Variants in FAM124A observed in about 807,000 individuals in gnomAD.
FAM124A encodes the protein protein FAM124A.
FAM124A carries 23 observed loss-of-function variants against 24.5 expected under a neutral mutation model. The ratio of observed to expected loss-of-function variants is 0.94; its 90% CI spans 0.68 to 1.33. FAM124A has a LOEUF of 1.33. Ranked by LOEUF, FAM124A falls within the 40% of genes most tolerant of loss-of-function variation. The pLI, the probability that FAM124A is intolerant of heterozygous loss-of-function variation, is 0.00. For missense variants in FAM124A, 623 were observed against 722.8 expected (o/e 0.86, Z 1.58); for synonymous variants, 287 against 314.7 (o/e 0.91, Z 0.93).
Position 51,247,865 on chromosome 13 carries a change from G to A in FAM124A, c.101-3603G>A, listed in dbSNP as rs150373792. Among the ~76,000 whole-genome samples, 472 of 152,196 alleles carry A rather than the reference G, an allele frequency of 3.1e-3. 2 individuals carry two copies. Among genetic ancestry groups the A allele is most frequent in the African/African-American group, 0.011 (451 of 41,526 alleles). On this transcript the variant is annotated intron_variant, in intron 2 of 3. Transcript: ENST00000322475. ...TTCATCGCAGCTTTACTACTTTTGC[G>A]TCAACTGTACTTCTGCCGATCGTGT...
intron 3 of FAM124A, among the ~76,000 whole-genome samples, chr13:51,279,854 T>C (rs764960508): frequency 2.6e-5 from 4 of 152,204 alleles, no homozygotes; most frequent in South Asian, 4.1e-4. Flanking sequence ...CTAACCCCGA[T>C]AGCCCCTCAC....
At chr13:51,245,440 C>A in intron 2 of FAM124A, 1 of 613,814 alleles carries the variant, frequency 1.6e-6, no homozygotes, top group South Asian at 2.0e-5. Flanking sequence ...TCTATTGGCG[C>A]AGCTTCCGGC....
chr13:51,254,885 C>T (rs544650597), intron 3 of FAM124A, among the ~76,000 whole-genome samples: 2 of 152,216 alleles, frequency 1.3e-5, no homozygotes, highest in Admixed American at 6.5e-5. Context: ...AAAAAGTTCA[C>T]ATTGTAAATA....
intron 1 of FAM124A, among the ~76,000 whole-genome samples, chr13:51,230,594 G>C (rs1444961866): frequency 2.0e-5 from 3 of 152,196 alleles, no homozygotes; most frequent in African/African-American, 7.2e-5. Flanking sequence ...TGCCAGAGAG[G>C]AAAGTCTTAA....
Position 51,272,551 on chromosome 13 carries a change from G to A in FAM124A, c.835-7899G>A, listed in dbSNP as rs1389232034. On this transcript the variant is annotated intron_variant, in intron 3 of 3. Coordinates refer to ENST00000322475, the MANE Select transcript of FAM124A (RefSeq NM_001242312.2). This position sits in a 1 kb window ranked among gnomAD's most constrained non-coding sequence, Gnocchi z 4.2. ...CAAATCTGGCCTGCCACCTATTTTT[G>A]TAAATAAAGCCTTATACACACACAC... Among the ~76,000 whole-genome samples, 1 of 138,322 alleles carries A rather than the reference G, an allele frequency of 7.2e-6. No homozygotes were observed. The highest frequency in any genetic ancestry group is 1.5e-5 in the Non-Finnish European group (1 of 64,884). 90.7% of individuals were successfully genotyped at this position (138,322 alleles called of 152,430 possible).
At chr13:51,270,900 T>C (rs1306684172) in intron 3 of FAM124A, among the ~76,000 whole-genome samples, 1 of 152,194 alleles carries the variant, frequency 6.6e-6, no homozygotes, top group African/African-American at 2.4e-5. Flanking sequence ...CAGATAATAC[T>C]GCAAGAACAA....
rs577994977 is a variant in FAM124A, at chr13:51,241,352, G to A, written c.100+9973G>A. On this transcript the variant is annotated intron_variant, in intron 2 of 3. Transcript: ENST00000322475. ...TTTGTATTTTTGTTACATTTGTCAC[G>A]TGTGAAGGTCTTGGCTTCTCAGTTA... Among the ~76,000 whole-genome samples, 14 of 152,348 alleles carry A rather than the reference G, an allele frequency of 9.2e-5. No individual in the cohort carries two copies. In the East Asian group the frequency reaches 1.9e-3, roughly 21 times the overall value.
At chr13:51,262,484 T>G (rs540294840) in intron 3 of FAM124A, among the ~76,000 whole-genome samples, 1 of 152,118 alleles carries the variant, frequency 6.6e-6, no homozygotes, top group African/African-American at 2.4e-5. Flanking sequence ...TACATGTCAG[T>G]TTTTTTTCTT....
At chr13:51,260,031 T>C (rs1954718183) in intron 3 of FAM124A, among the ~76,000 whole-genome samples, 1 of 151,842 alleles carries the variant, frequency 6.6e-6, no homozygotes, top group Non-Finnish European at 1.5e-5. Flanking sequence ...GACCCCCCAA[T>C]AGGACACAGG....
At chr13:51,233,702 A>G (rs769845351) in intron 2 of FAM124A, among the ~76,000 whole-genome samples, 2 of 152,216 alleles carry the variant, frequency 1.3e-5, no homozygotes, top group East Asian at 3.8e-4. Context: ...GAAGAGTAAC[A>G]TAGTTGACTT....
chr13:51,260,116 A>C (rs1436284391), intron 3 of FAM124A, among the ~76,000 whole-genome samples: 9 of 152,104 alleles, frequency 5.9e-5, no homozygotes, highest in Non-Finnish European at 8.8e-5. Flanking sequence ...TGTGAGCAGG[A>C]ACCTCCAGCC....
At chr13:51,264,155 G>A (rs149086609) in intron 3 of FAM124A, among the ~76,000 whole-genome samples, 77 of 152,282 alleles carry the variant, frequency 5.1e-4, no homozygotes, top group African/African-American at 1.6e-3. Context: ...GCTTGCTCTC[G>A]AATGGTTTTA....
intron 2 of FAM124A, among the ~76,000 whole-genome samples, chr13:51,234,555 C>A (rs941700723): frequency 6.6e-6 from 1 of 152,170 alleles, no homozygotes; most frequent in African/African-American, 2.4e-5. Flanking sequence ...TTTGTTTCCT[C>A]CTCTGTAAAT....
At chr13:51,259,491 G>A (rs577110213) in intron 3 of FAM124A, among the ~76,000 whole-genome samples, 2 of 151,708 alleles carry the variant, frequency 1.3e-5, no homozygotes, top group Non-Finnish European at 2.9e-5. Context: ...CTTCCCCGCC[G>A]CCTGATCCCC....
intron 2 of FAM124A, among the ~76,000 whole-genome samples, chr13:51,233,074 T>C (rs1359120063): frequency 2.6e-5 from 4 of 152,172 alleles, no homozygotes; most frequent in Admixed American, 2.6e-4. Context: ...TGTATATGTG[T>C]TTCAGTTAGG....
chr13:51,234,655 G>A (rs1310520225), intron 2 of FAM124A, among the ~76,000 whole-genome samples: 1 of 152,180 alleles, frequency 6.6e-6, no homozygotes, highest in Admixed American at 6.5e-5. Flanking sequence ...TCTACAAAGA[G>A]ATGGAAGGAA....
rs368002066 is a variant in FAM124A at position 51,281,248 on chromosome 13, T to G, written c.1633T>G (p.Tyr545Asp). Residue 545 changes from tyrosine to aspartate, a missense_variant, in exon 4 of 4, where the codon TAC becomes GAC. Transcript: ENST00000322475. ...CGGGGATAACGACATGGAGGAATTCTACATCTGAATGCCCTCTGCTCTTGT... is the reference window on the plus strand; with the variant it reads ...CGGGGATAACGACATGGAGGAATTCGACATCTGAATGCCCTCTGCTCTTGT... ...GPGDNDMEEF[Y>D]I 12 of 1,563,614 alleles carry G rather than the reference T, an allele frequency of 7.7e-6. No homozygotes were observed. Among genetic ancestry groups the G allele is most frequent in the Non-Finnish European group, 7.8e-6 (9 of 1,158,992 alleles).
intron 3 of FAM124A, among the ~76,000 whole-genome samples, chr13:51,277,511 T>C (rs1954895745): frequency 6.6e-6 from 1 of 152,160 alleles, no homozygotes; most frequent in African/African-American, 2.4e-5. Flanking sequence ...AGAGAAAGAA[T>C]TGGCCGGGCA....
intron 3 of FAM124A, among the ~76,000 whole-genome samples, chr13:51,266,136 C>T (rs1212663412): frequency 2.6e-5 from 4 of 152,158 alleles, no homozygotes; most frequent in South Asian, 2.1e-4. Flanking sequence ...TGGAGAAAAG[C>T]GCACATATTT....
Sources: gnomAD v4.1 joint callset for allele counts (sites outside exome capture counted in the v4.1 genomes callset) on GRCh38, gnomAD v4.1.1 for gene constraint, Gnocchi (gnomAD v3.1) non-coding constraint, MANE v1.5 for transcripts, NCBI Gene and HGNC (gene_info 2026-07-23, HGNC 2026-07-21) for gene names.